TCERG1L: variants seen among roughly 807,000 people sequenced by gnomAD.
TCERG1L encodes transcription elongation regulator 1-like protein.
TCERG1L carries 37 observed loss-of-function variants against 56.3 expected under a neutral mutation model. The observed-to-expected ratio is 0.66, with a 90% CI of 0.51 to 0.87. TCERG1L has a LOEUF of 0.87. Ranked by LOEUF, TCERG1L falls within the 40% of genes least tolerant of loss-of-function variation. TCERG1L has a pLI of 0.00. For missense variants in TCERG1L, 799 were observed against 774.2 expected, an observed-to-expected ratio of 1.03 and a Z score of -0.38; for synonymous variants, 324 against 326.3, an observed-to-expected ratio of 0.99 and a Z score of 0.08.
intron 4 of TCERG1L, among the ~76,000 whole-genome samples, chr10:131,203,104 T>C (rs924871901): frequency 5.3e-5 from 8 of 152,118 alleles, no homozygotes; most frequent in East Asian, 1.9e-4. Flanking sequence ...TCAAGAACCA[T>C]AGACAACAGC....
chr10:131,221,479 G>T lies in TCERG1L; in HGVS notation c.856+38780C>A, dbSNP rs557042267. Among the ~76,000 whole-genome samples the T allele has an allele frequency of 4.8e-3, 732 of 152,370 alleles. 6 individuals carry two copies. Among genetic ancestry groups the T allele is most frequent in the African/African-American group, 0.017 (695 of 41,594 alleles). On this transcript the variant is annotated intron_variant, in intron 4 of 11. Coordinates refer to ENST00000368642, the MANE Select transcript of TCERG1L (RefSeq NM_174937.4). ...AAACACCCTCCACCTTGAGCAATTA[G>T]AAGGCAGCGAGGAAAGCGGCGGTCT...
intron 4 of TCERG1L, among the ~76,000 whole-genome samples, chr10:131,181,087 A>G (rs1016957940): frequency 1.3e-5 from 2 of 152,210 alleles, no homozygotes; most frequent in Non-Finnish European, 2.9e-5. Flanking sequence ...GCCACAGACC[A>G]TAACCCCAGA....
chr10:131,182,352 T>G (rs1845189671), intron 4 of TCERG1L, among the ~76,000 whole-genome samples: 1 of 152,244 alleles, frequency 6.6e-6, no homozygotes, highest in Non-Finnish European at 1.5e-5. Flanking sequence ...CCGGGGTCTT[T>G]GTGCCCCTGT....
At chr10:131,202,029 G>A (rs560746395) in intron 4 of TCERG1L, among the ~76,000 whole-genome samples, 1 of 152,192 alleles carries the variant, frequency 6.6e-6, no homozygotes, top group Admixed American at 6.5e-5. Flanking sequence ...CTTAGGAAAG[G>A]TCCCATGGAC....
At chr10:131,161,606 T>C (rs1240818453) in intron 6 of TCERG1L, 1 of 151,458 alleles carries the variant, frequency 6.6e-6, no homozygotes, top group Non-Finnish European at 1.5e-5. Context: ...AGGGTGCTGG[T>C]CTCCAGAGAC....
chr10:131,157,767 G>A (rs1316691050), intron 6 of TCERG1L, among the ~76,000 whole-genome samples: 1 of 152,194 alleles, frequency 6.6e-6, no homozygotes, highest in African/African-American at 2.4e-5. Flanking sequence ...GATTTCACCT[G>A]GCATGAAAGT....
chr10:131,229,447 C>T (rs1845826490), intron 4 of TCERG1L, among the ~76,000 whole-genome samples: 1 of 152,226 alleles, frequency 6.6e-6, no homozygotes, highest in Admixed American at 6.5e-5. Flanking sequence ...TTCCTGCCCA[C>T]ATATAGGTCT....
At chr10:131,261,717 G>A (rs1038228107) in intron 3 of TCERG1L, among the ~76,000 whole-genome samples, 27 of 152,346 alleles carry the variant, frequency 1.8e-4, no homozygotes, top group African/African-American at 6.5e-4. Context: ...GGGAAGGCTG[G>A]CCTTCGGGGA....
Position 131,092,827 on chromosome 10 carries a change from A to T in TCERG1L, c.*335T>A, listed in dbSNP as rs1179042312. On this transcript the variant is annotated 3_prime_UTR_variant, in exon 12 of 12. Coordinates refer to ENST00000368642, the MANE Select transcript of TCERG1L (RefSeq NM_174937.4). ...CCAATCGTCTTAGGTGATGACACAA[A>T]TGCCTTGAGATTGTTACAGAGGCTC... is the stretch of plus-strand genomic sequence containing the variant. 7 of 194,678 alleles carry T rather than the reference A, an allele frequency of 3.6e-5. No homozygotes were observed. The highest frequency in any genetic ancestry group is 7.3e-5 in the Non-Finnish European group (7 of 96,226). 12.1% of individuals were successfully genotyped at this position (194,678 alleles called of 1,614,324 possible).
At chr10:131,146,834 C>T (rs145463467) in intron 6 of TCERG1L, among the ~76,000 whole-genome samples, 174 bp from the exon 7 acceptor site, 83 of 152,296 alleles carry the variant, frequency 5.4e-4, no homozygotes, top group African/African-American at 1.8e-3. Context: ...GGTGACCTTA[C>T]GGATCTGACT....
chr10:131,238,970 C>A (rs893586293), intron 4 of TCERG1L, among the ~76,000 whole-genome samples: 25 of 152,226 alleles, frequency 1.6e-4, no homozygotes, highest in African/African-American at 5.1e-4. Context: ...TGCCTCCCTG[C>A]CTCCCTGCCT....
chr10:131,256,966 A>C, intron 4 of TCERG1L, among the ~76,000 whole-genome samples: 1 of 56,134 alleles, frequency 1.8e-5, no homozygotes, highest in Non-Finnish European at 4.4e-5. Flanking sequence ...GGAAGGAAGG[A>C]AGGAAGGAAG....
At chr10:131,282,765 C>G (rs1272487197) in intron 3 of TCERG1L, among the ~76,000 whole-genome samples, 2 of 152,090 alleles carry the variant, frequency 1.3e-5, no homozygotes, top group African/African-American at 4.8e-5. Flanking sequence ...CTTTGGAGAA[C>G]CAGCAGAAAA....
At chr10:131,172,128 A>G (rs563912471) in intron 4 of TCERG1L, among the ~76,000 whole-genome samples, 2 of 152,338 alleles carry the variant, frequency 1.3e-5, no homozygotes, top group African/African-American at 2.4e-5. Flanking sequence ...AAGTGTCAAC[A>G]TGATATCTGG....
intron 10 of TCERG1L, among the ~76,000 whole-genome samples, chr10:131,101,953 C>T (rs777133350): frequency 3.3e-5 from 5 of 152,192 alleles, no homozygotes; most frequent in South Asian, 2.1e-4. Flanking sequence ...CCGCCCACCT[C>T]GGCCTCCCAA....
rs10829901 is a variant in TCERG1L at position 131,105,057 on chromosome 10, G to A, written c.1396-703C>T. Among the ~76,000 whole-genome samples, 4,556 of 152,300 alleles carry A rather than the reference G, an allele frequency of 0.03. 343 individuals carry two copies. In the East Asian group the frequency reaches 0.31, roughly 10 times the overall value. ...ATATCTCCTTGGACTCCTCTTGGCT[G>A]TGACAGGGTCTCAGATGGCCCTTGC... On this transcript the variant is annotated intron_variant, in intron 9 of 11. Coordinates refer to ENST00000368642, the MANE Select transcript of TCERG1L (RefSeq NM_174937.4).
chr10:131,257,825 G>A (rs899407741), intron 4 of TCERG1L, among the ~76,000 whole-genome samples: 23 of 152,192 alleles, frequency 1.5e-4, no homozygotes, highest in African/African-American at 2.9e-4. Context: ...GCTAAACCAC[G>A]TGGAGCTCTG....
At chr10:131,214,551 A>G (rs1425459150) in intron 4 of TCERG1L, among the ~76,000 whole-genome samples, 1 of 152,268 alleles carries the variant, frequency 6.6e-6, no homozygotes, top group Non-Finnish European at 1.5e-5. Flanking sequence ...ATGAGTGTTA[A>G]GAGGAAAATA....
chr10:131,142,800 C>G (rs1005200222), intron 7 of TCERG1L, among the ~76,000 whole-genome samples: 1 of 152,192 alleles, frequency 6.6e-6, no homozygotes, highest in African/African-American at 2.4e-5. Flanking sequence ...TGCCCCCCAC[C>G]ATTCCCAAGC....
Sources: allele counts gnomAD v4.1 joint callset (sites outside exome capture counted in the v4.1 genomes callset), GRCh38; gene constraint gnomAD v4.1.1; transcripts MANE v1.5; gene names NCBI Gene and HGNC (gene_info 2026-07-23, HGNC 2026-07-21).